The following GRID2 variants were observed in gnomAD, a reference collection of about 807,000 sequenced individuals.
The protein encoded by GRID2 is glutamate receptor ionotropic, delta-2.
A neutral mutation model predicts 114.8 loss-of-function variants in GRID2; 33 were observed. The observed-to-expected ratio is 0.29, with a 90% CI of 0.22 to 0.38. The LOEUF (loss-of-function observed/expected upper bound fraction) is 0.38. Ranked by LOEUF, GRID2 falls within the 10% of genes least tolerant of loss-of-function variation. The pLI is 1.00. For synonymous variants in GRID2, 505 were observed against 449.9 expected (o/e 1.12, Z -1.55); for missense variants, 1,184 against 1,257.7 (o/e 0.94, Z 0.89).
chr4:92,308,904 A>G (rs935362913), intron 1 of GRID2, among the ~76,000 whole-genome samples: 1 of 152,074 alleles, frequency 6.6e-6, no homozygotes, highest in Non-Finnish European at 1.5e-5. Flanking sequence ...GTAAACGTCT[A>G]GAATGTACTA....
At chr4:93,227,164 G>T (rs565882075) in intron 7 of GRID2, among the ~76,000 whole-genome samples, 5 of 151,982 alleles carry the variant, frequency 3.3e-5, no homozygotes, top group South Asian at 2.1e-4. Context: ...ATAGCACATC[G>T]CTCCTTTGTA....
intron 8 of GRID2, among the ~76,000 whole-genome samples, chr4:93,287,552 AG>A (rs1027911101): frequency 4.6e-5 from 7 of 152,224 alleles, no homozygotes; most frequent in Non-Finnish European, 1.0e-4. Context: ...TTCTATGACA[AG>A]GAGAAATTCA....
intron 1 of GRID2, among the ~76,000 whole-genome samples, chr4:92,450,960 A>G (rs942504042): frequency 7.3e-5 from 11 of 150,976 alleles, no homozygotes; most frequent in African/African-American, 2.7e-4. Flanking sequence ...TAAATTTATT[A>G]TAGTGACCAT....
At chr4:93,448,859 C>T (rs1722377177) in intron 10 of GRID2, among the ~76,000 whole-genome samples, 1 of 19,474 alleles carries the variant, frequency 5.1e-5, no homozygotes, top group Non-Finnish European at 9.2e-5. Context: ...CCCTTCCCTT[C>T]CCCTTCCCTT....
chr4:92,930,578 A>ATTTTTT (rs35741890), intron 2 of GRID2, among the ~76,000 whole-genome samples: 1 of 119,502 alleles, frequency 8.4e-6, no homozygotes, highest in African/African-American at 3.1e-5. Flanking sequence ...CACTTTCGGC[A>ATTTTTT]TTTTTTTTTT....
At chr4:92,939,900 G>A (rs1750971231) in intron 2 of GRID2, among the ~76,000 whole-genome samples, 1 of 146,686 alleles carries the variant, frequency 6.8e-6, no homozygotes, top group African/African-American at 2.4e-5. Flanking sequence ...ATTTCTGAGG[G>A]CTCTCTTCTG....
At chr4:92,913,776 C>T (rs547892741) in intron 2 of GRID2, among the ~76,000 whole-genome samples, 11 of 151,606 alleles carry the variant, frequency 7.3e-5, no homozygotes, top group East Asian at 3.9e-4. Flanking sequence ...AACGAAGAAA[C>T]GTTTCACTAA....
intron 2 of GRID2, among the ~76,000 whole-genome samples, chr4:92,886,832 A>G (rs536096743): frequency 6.6e-6 from 1 of 152,136 alleles, no homozygotes; most frequent in Admixed American, 6.5e-5. Flanking sequence ...TCACCGTGTT[A>G]GCCAGGATGG....
At chr4:92,871,514 A>G (rs1745277464) in intron 2 of GRID2, among the ~76,000 whole-genome samples, 1 of 152,180 alleles carries the variant, frequency 6.6e-6, no homozygotes, top group Non-Finnish European at 1.5e-5. Context: ...AGAAGTTTAA[A>G]AACCATGTCC....
At chr4:93,646,903 C>T (rs371718191) in intron 14 of GRID2, among the ~76,000 whole-genome samples, 8 of 152,254 alleles carry the variant, frequency 5.3e-5, no homozygotes, top group Admixed American at 3.3e-4. Flanking sequence ...ACTGGTCAAG[C>T]ATGAACCCAA....
chr4:92,356,299 C>T (rs1201543608), intron 1 of GRID2, among the ~76,000 whole-genome samples: 1 of 151,276 alleles, frequency 6.6e-6, no homozygotes, highest in Non-Finnish European at 1.5e-5. Context: ...TATATATTTT[C>T]TGGTTTTCTT....
chr4:92,489,500 T>C (rs781764317), intron 1 of GRID2, among the ~76,000 whole-genome samples: 9 of 151,730 alleles, frequency 5.9e-5, no homozygotes, highest in African/African-American at 1.2e-4. Flanking sequence ...ACAAGTTTAA[T>C]TGTCTTTGAT....
rs1321498376 is a variant in GRID2, at chr4:92,939,913, C to G, written c.245-145082C>G. Among the ~76,000 whole-genome samples, 5 of 146,858 alleles carry G rather than the reference C, an allele frequency of 3.4e-5. 1 individual carries two copies. The highest frequency in any genetic ancestry group is 2.9e-4 in the Admixed American group (4 of 13,634). ...TTATTTCTGAGGGCTCTCTTCTGTT[C>G]CATTGGTGTATATCTCTGTTTTGGT... On this transcript the variant is annotated intron_variant, in intron 2 of 15. Transcript: ENST00000282020.
chr4:92,654,892 C>G (rs144171610), intron 2 of GRID2, among the ~76,000 whole-genome samples: 9 of 151,986 alleles, frequency 5.9e-5, no homozygotes, highest in East Asian at 1.9e-4. Flanking sequence ...TTTGAAGAAG[C>G]TTTTTAGTTG....
At chr4:93,043,494 C>A (rs1348292918) in intron 2 of GRID2, among the ~76,000 whole-genome samples, 1 of 152,032 alleles carries the variant, frequency 6.6e-6, no homozygotes, top group Non-Finnish European at 1.5e-5. Context: ...TATGGCCAAA[C>A]CATCTCTAAA....
intron 1 of GRID2, among the ~76,000 whole-genome samples, chr4:92,359,903 A>T (rs1728532310): frequency 6.6e-6 from 1 of 152,004 alleles, no homozygotes. Flanking sequence ...TCTGAAAAAA[A>T]ATCTTTATAG....
Position 93,671,734 on chromosome 4 carries a change from T to A in GRID2, c.2360+45299T>A, listed in dbSNP as rs114243510. Among the ~76,000 whole-genome samples the A allele has an allele frequency of 6.4e-3, 967 of 152,192 alleles. 11 individuals are homozygous for A. The highest frequency in any genetic ancestry group is 0.022 in the African/African-American group (921 of 41,532). On this transcript the variant is annotated intron_variant, in intron 14 of 15. Coordinates refer to ENST00000282020, the MANE Select transcript of GRID2 (RefSeq NM_001510.4). ...ATGTAATCCCAAAACTTTGGGAGAC[T>A]GAGGTGGGTGGATCATTTGAGGTCA...
chr4:93,307,371 G>C (rs937340839), intron 8 of GRID2, among the ~76,000 whole-genome samples: 7 of 151,814 alleles, frequency 4.6e-5, no homozygotes, highest in African/African-American at 1.7e-4. Flanking sequence ...GCAGCAAATG[G>C]CTTTAGCTTC....
chr4:93,406,370 C>T (rs1288835199), intron 9 of GRID2, among the ~76,000 whole-genome samples: 2 of 152,148 alleles, frequency 1.3e-5, no homozygotes, highest in African/African-American at 4.8e-5. Flanking sequence ...TTGTCAGCCT[C>T]ACTGAGTTTA....
Sources: allele counts gnomAD v4.1 joint callset (sites outside exome capture counted in the v4.1 genomes callset), GRCh38; gene constraint gnomAD v4.1.1; transcripts MANE v1.5; gene names NCBI Gene and HGNC (gene_info 2026-07-23, HGNC 2026-07-21).